Variants in NETO1 observed in about 807,000 individuals in gnomAD.
The protein encoded by NETO1 is neuropilin and tolloid-like protein 1.
In NETO1, 26 loss-of-function variants were observed where a neutral mutation model predicts 61.3. The ratio of observed to expected loss-of-function variants is 0.42; its 90% CI spans 0.31 to 0.59. NETO1 has a LOEUF of 0.59. NETO1 is among the 20% of genes least tolerant of loss of function. The pLI, the probability that NETO1 is intolerant of heterozygous loss-of-function variation, is 0.12. For synonymous variants in NETO1, 225 were observed against 225.8 expected, an observed-to-expected ratio of 1.00 and a Z score of 0.03; for missense variants, 531 against 662.8, an observed-to-expected ratio of 0.80 and a Z score of 2.18.
At chr18:72,791,301 T>C (rs2072108155) in intron 6 of NETO1, among the ~76,000 whole-genome samples, 1 of 152,202 alleles carries the variant, frequency 6.6e-6, no homozygotes, top group South Asian at 2.1e-4. Flanking sequence ...TGCAATATGG[T>C]TCAGTCACCA....
chr18:72,783,811 ATCCTCCACGGAACTGCT>A lies in NETO1; in HGVS notation c.718_734del (p.Ser240PhefsTer4). The A allele has an allele frequency of 6.2e-7, 1 of 1,614,170 alleles. No individual in the cohort carries two copies. Among genetic ancestry groups the A allele is most frequent in the Non-Finnish European group, 8.5e-7 (1 of 1,180,022 alleles). ...CAGTGCTACAGAACTTAGCTTTCAA[ATCCTCCACGGAACTGCT>A]TCCATCATACACAGCCACAAAATTC... On this transcript the variant is annotated frameshift_variant, in exon 7 of 11. Coordinates refer to ENST00000327305, the MANE Select transcript of NETO1 (RefSeq NM_138966.5). LOFTEE classifies it high-confidence loss of function.
rs781396846 is a variant in NETO1 at position 72,864,952 on chromosome 18, A to T, written c.83-7T>A. The T allele has an allele frequency of 7.6e-6, 5 of 657,896 alleles. No individual in the cohort carries two copies. The highest frequency in any genetic ancestry group is 6.0e-6 in the Non-Finnish European group (3 of 496,390). 40.8% of individuals were successfully genotyped at this position (657,896 alleles called of 1,614,324 possible). A position where few individuals can be genotyped will look rare whatever the true frequency, so the allele number is the denominator to read the frequency against. The stretch of plus-strand genomic sequence containing the variant: ...TCTGAGGTGGTTTGCTTTTCTGTTA[A>T]AAAAAAAAAAAAGTTTTAAAAAGAG... On this transcript the variant is annotated splice_polypyrimidine_tract_variant and splice_region_variant and intron_variant, in intron 2 of 10. Transcript: ENST00000327305.
At chr18:72,836,971 T>G (rs1241245400) in intron 4 of NETO1, among the ~76,000 whole-genome samples, 1 of 152,112 alleles carries the variant, frequency 6.6e-6, no homozygotes, top group Non-Finnish European at 1.5e-5. Flanking sequence ...AGTTTTAGAA[T>G]GCAGATCCCC....
chr18:72,842,791 A>C (rs989966616), intron 4 of NETO1, among the ~76,000 whole-genome samples: 2 of 152,204 alleles, frequency 1.3e-5, no homozygotes, highest in Admixed American at 6.5e-5. Context: ...AAGGATGGCA[A>C]TAATACGTCA....
chr18:72,750,441 A>C lies in NETO1; in HGVS notation c.1162T>G (p.Phe388Val), dbSNP rs1389564004. Reference protein sequence around the residue: ...DFDQTVFQEVFEPPHYELCTL... With the variant: ...DFDQTVFQEVVEPPHYELCTL... ...CATAACTCATAATGAGGAGGTTCAAATACCTCCTGGAAAACTGTCTGGTCA... is the reference window on the plus strand; with the variant it reads ...CATAACTCATAATGAGGAGGTTCAACTACCTCCTGGAAAACTGTCTGGTCA... The change falls in exon 9 of 11, where the codon TTT becomes GTT. Residue 388 changes from phenylalanine (F) to valine (V), a missense_variant. Physicochemically the swap from Phe to Val is conservative, Grantham distance 50 (BLOSUM62 -1). Coordinates refer to ENST00000327305, the MANE Select transcript of NETO1 (RefSeq NM_138966.5). The C allele has an allele frequency of 6.2e-7, 1 of 1,613,980 alleles. No individual in the cohort carries two copies. The highest frequency in any genetic ancestry group is 2.2e-5 in the East Asian group (1 of 44,872).
intron 7 of NETO1, among the ~76,000 whole-genome samples, chr18:72,776,859 T>C (rs1052004455): frequency 6.6e-6 from 1 of 152,214 alleles, no homozygotes; most frequent in Non-Finnish European, 1.5e-5. Flanking sequence ...ATATTCATTT[T>C]ATCCCAATAG....
In NETO1 at chr18:72,803,172, G is replaced by A. The variant is rs559601901; in HGVS notation, c.470-8768C>T. On this transcript the variant is annotated intron_variant, in intron 4 of 10. Transcript: ENST00000327305. ...TGATAAAATTCAAGTTTCAAGGGAA[G>A]GAGATGTATTTGCTAGAGTGCACTT... 2.0e-4 allele frequency among the ~76,000 whole-genome samples: 31 copies of A among 152,346 alleles called. No homozygotes were observed. The South Asian group carries it at 6.4e-3, about 32-fold the overall frequency.
intron 4 of NETO1, among the ~76,000 whole-genome samples, chr18:72,822,243 G>C (rs6566660): frequency 0.93 from 141,289 of 152,234 alleles, 66,375 homozygotes; most frequent in Non-Finnish European, 1. Context: ...GTCTCAGAGG[G>C]TGGAGGGGCT....
In NETO1 at chr18:72,782,925, T is replaced by C. The variant is rs146752115; in HGVS notation, c.868+753A>G. ...TAATTAATGATGCTGAACATTTGTA[T>C]ATGCTTGTTGGCCACATGAAGTGTC... On this transcript the variant is annotated intron_variant, in intron 7 of 10. Coordinates refer to ENST00000327305, the MANE Select transcript of NETO1 (RefSeq NM_138966.5). Among the ~76,000 whole-genome samples the C allele has an allele frequency of 3.2e-3, 481 of 152,362 alleles. 4 individuals carry two copies. The highest frequency in any genetic ancestry group is 0.011 in the African/African-American group (444 of 41,598).
chr18:72,841,419 G>T (rs1314317376), intron 4 of NETO1, among the ~76,000 whole-genome samples: 1 of 10,826 alleles, frequency 9.2e-5, no homozygotes, highest in Non-Finnish European at 6.0e-4. Context: ...ACGAGCAATT[G>T]GCAGAGAAAT....
intron 7 of NETO1, 76 bp downstream of exon 7, chr18:72,783,602 A>G: frequency 8.1e-7 from 1 of 1,239,762 alleles, no homozygotes; most frequent in Non-Finnish European, 1.2e-6. Flanking sequence ...TGTGAAGAAA[A>G]CACCATTAAC....
chr18:72,862,699 C>A (rs1323728250), intron 3 of NETO1, among the ~76,000 whole-genome samples: 3 of 149,352 alleles, frequency 2.0e-5, no homozygotes, highest in African/African-American at 5.0e-5. Context: ...CGGCTCACTG[C>A]AAGCTCCGCC....
At chr18:72,776,804 C>T (rs912985553) in intron 7 of NETO1, among the ~76,000 whole-genome samples, 2 of 152,138 alleles carry the variant, frequency 1.3e-5, no homozygotes, top group African/African-American at 4.8e-5. Flanking sequence ...CTAACCCTAA[C>T]GCTAACTTCT....
chr18:72,795,891 A>G (rs2072294163), intron 4 of NETO1, among the ~76,000 whole-genome samples: 1 of 152,144 alleles, frequency 6.6e-6, no homozygotes, highest in African/African-American at 2.4e-5. Context: ...TGCTTTTTGA[A>G]TAACACACGT....
chr18:72,782,552 C>A (rs1461176103), intron 7 of NETO1, among the ~76,000 whole-genome samples: 1 of 152,140 alleles, frequency 6.6e-6, no homozygotes, highest in Non-Finnish European at 1.5e-5. Flanking sequence ...TGCCTCTAAT[C>A]CCAGCACTTT....
chr18:72,820,796 C>T (rs6566656), intron 4 of NETO1, among the ~76,000 whole-genome samples: 67,328 of 151,882 alleles, frequency 0.44, 15,990 homozygotes, highest in African/African-American at 0.6. Context: ...GACATGCCTT[C>T]GGACTCAAAC....
intron 4 of NETO1, among the ~76,000 whole-genome samples, chr18:72,810,940 A>T (rs2072847175): frequency 6.6e-6 from 1 of 152,164 alleles, no homozygotes; most frequent in Non-Finnish European, 1.5e-5. Context: ...TAGACTTTTC[A>T]TTTTGTTCTA....
intron 1 of NETO1, 31 bp downstream of exon 1, chr18:72,867,233 A>G: frequency 1.3e-6 from 2 of 1,528,700 alleles, no homozygotes; most frequent in Non-Finnish European, 1.8e-6. Context: ...TGGCTCCGGG[A>G]GCGCACGGGC....
intron 4 of NETO1, among the ~76,000 whole-genome samples, chr18:72,821,265 A>G (rs6566659): frequency 0.43 from 62,889 of 145,112 alleles, 14,654 homozygotes; most frequent in African/African-American, 0.59. Context: ...AAATGGGTCC[A>G]GGCACAGTGG....
Sources: gnomAD v4.1 joint callset for allele counts (sites outside exome capture counted in the v4.1 genomes callset) on GRCh38, gnomAD v4.1.1 for gene constraint, MANE v1.5 for transcripts, NCBI Gene and HGNC (gene_info 2026-07-23, HGNC 2026-07-21) for gene names.